Variants in DNAAF1 observed in about 807,000 individuals in gnomAD.
DNAAF1 encodes dynein axonemal assembly factor 1, also known as dynein assembly factor 1, axonemal.
DNAAF1 carries 65 observed loss-of-function variants against 71.1 expected under a neutral mutation model. The observed-to-expected ratio is 0.91, with a 90% CI of 0.75 to 1.12. DNAAF1 has a LOEUF of 1.12. Ranked by LOEUF, DNAAF1 falls within the 50% of genes most tolerant of loss-of-function variation. DNAAF1 has a pLI of 0.00. For missense variants in DNAAF1, 1,178 were observed against 899.8 expected, an observed-to-expected ratio of 1.31 and a Z score of -3.96; for synonymous variants, 414 against 354.6, an observed-to-expected ratio of 1.17 and a Z score of -1.88.
intron 9 of DNAAF1, chr16:84,172,789 C>T (rs1000945606): frequency 9.3e-7 from 1 of 1,076,044 alleles, no homozygotes. Context: ...GTATCTTTTC[C>T]CCCCTCCGTG....
At chr16:84,172,670 C>G in intron 9 of DNAAF1, 1 of 1,253,650 alleles carries the variant, frequency 8.0e-7, no homozygotes. Context: ...ACTCTTGATT[C>G]CTTTTTGCCA....
At chr16:84,155,945 G>C (rs1036316383) in intron 5 of DNAAF1, among the ~76,000 whole-genome samples, 196 bp downstream of exon 5, 1 of 151,850 alleles carries the variant, frequency 6.6e-6, no homozygotes, top group Non-Finnish European at 1.5e-5. Context: ...AAATAGTTCA[G>C]TGTGTGCCTC....
chr16:84,169,259 T>TC (rs1287528416), intron 7 of DNAAF1, among the ~76,000 whole-genome samples: 1 of 150,804 alleles, frequency 6.6e-6, no homozygotes, highest in Non-Finnish European at 1.5e-5. Context: ...TTTTGTATTT[T>TC]TTTTTCACTA....
chr16:84,161,154 G>A (rs974416992), intron 6 of DNAAF1, among the ~76,000 whole-genome samples: 8 of 152,238 alleles, frequency 5.3e-5, no homozygotes, highest in East Asian at 3.9e-4. Context: ...CATCTGCAGC[G>A]TGGGGATGAG....
rs2087387583 is a variant in DNAAF1, at chr16:84,155,576, C to T, written c.575-7C>T. On this transcript the variant is annotated splice_region_variant and splice_polypyrimidine_tract_variant and intron_variant, in intron 4 of 11. Transcript: ENST00000378553. ...TGTTTTTGACTTCTGCTGACCTTACCTTCCAGCCTGCCTCCCAGTCCTGAA... is the reference window on the plus strand; with the variant it reads ...TGTTTTTGACTTCTGCTGACCTTACTTTCCAGCCTGCCTCCCAGTCCTGAA... The T allele has an allele frequency of 1.9e-6, 3 of 1,613,976 alleles. No homozygotes were observed. Among genetic ancestry groups the T allele is most frequent in the East Asian group, 2.2e-5 (1 of 44,868 alleles).
chr16:84,168,957 A>G (rs941959278), intron 7 of DNAAF1, among the ~76,000 whole-genome samples: 1 of 148,166 alleles, frequency 6.7e-6, no homozygotes, highest in Non-Finnish European at 1.5e-5. Context: ...CCTGCATTCT[A>G]TTTTCTTGAT....
At chr16:84,159,877 A>T in intron 6 of DNAAF1, 81 bp downstream of exon 6, 1 of 1,537,724 alleles carries the variant, frequency 6.5e-7, no homozygotes, top group Non-Finnish European at 8.9e-7. Flanking sequence ...TAAATTTCTG[A>T]TTCTTGAGAA....
chr16:84,166,061 T>G, intron 7 of DNAAF1, 112 bp downstream of exon 7: 1 of 1,021,234 alleles, frequency 9.8e-7, no homozygotes. Context: ...TTTTTTTTTT[T>G]TTTAGACAGA....
chr16:84,172,242 CTTG>C lies in DNAAF1; in HGVS notation c.1529-11_1529-9del, dbSNP rs369485504. ...GCCGTGTGTTAAACTAACTCCAAGA[CTTG>C]TTGTTGCTCTTTAGAACCGACTCCC... is the stretch of plus-strand genomic sequence containing the variant. On this transcript the variant is annotated splice_polypyrimidine_tract_variant and intron_variant, in intron 8 of 11. Coordinates refer to ENST00000378553, the MANE Select transcript of DNAAF1 (RefSeq NM_178452.6). 2.7e-4 allele frequency: 440 copies of C among 1,612,236 alleles called. 1 individual carries two copies. The African/African-American group carries it at 5.1e-3, about 19-fold the overall frequency.
intron 5 of DNAAF1, among the ~76,000 whole-genome samples, chr16:84,156,122 C>T (rs1210886070): frequency 6.6e-6 from 1 of 152,092 alleles, no homozygotes; most frequent in Non-Finnish European, 1.5e-5. Flanking sequence ...GCCATCACAC[C>T]CAGCTAATTT....
At chr16:84,152,828 G>C (rs1056429727) in intron 3 of DNAAF1, among the ~76,000 whole-genome samples, 19 of 151,568 alleles carry the variant, frequency 1.3e-4, no homozygotes, top group African/African-American at 4.6e-4. Context: ...GTGATGGCGG[G>C]TACCTGTAAT....
chr16:84,150,161 G>A (rs2087117398), intron 2 of DNAAF1, 90 bp from the exon 3 acceptor site: 8 of 932,724 alleles, frequency 8.6e-6, no homozygotes, highest in South Asian at 5.3e-5. Flanking sequence ...TAGAATTTTG[G>A]GCAGGAATGG....
At position 84,169,750 on chromosome 16, in the gene DNAAF1, T is replaced by G. The variant is rs35849241; in HGVS notation, c.1031-109T>G. 576,273 of 1,502,294 alleles carry G rather than the reference T, an allele frequency of 0.38. 113,197 individuals carry two copies. The highest frequency in any genetic ancestry group is 0.41 in the Non-Finnish European group (439,058 of 1,082,264). 93.1% of individuals were successfully genotyped at this position (1,502,294 alleles called of 1,614,324 possible). On this transcript the variant is annotated intron_variant, in intron 7 of 11. Transcript: ENST00000378553. ...GAGGACACTTTTTTAACTGTGTTCC[T>G]GACCTTTTCCCTGGTCTCAGAAGTT...
intron 3 of DNAAF1, 41 bp from the exon 4 acceptor site, chr16:84,154,536 G>A: frequency 6.3e-7 from 1 of 1,585,346 alleles, no homozygotes. Flanking sequence ...CCTCTGCCCT[G>A]GGAGTAGGAG....
At position 84,174,653 on chromosome 16, in the gene DNAAF1, T is replaced by A; in HGVS notation, c.1645-16T>A. 2 of 1,614,164 alleles carry A rather than the reference T, an allele frequency of 1.2e-6. No individual in the cohort carries two copies. The highest frequency in any genetic ancestry group is 2.2e-5 in the South Asian group (2 of 91,086). On this transcript the variant is annotated splice_polypyrimidine_tract_variant and intron_variant, in intron 9 of 11. Coordinates refer to ENST00000378553, the MANE Select transcript of DNAAF1 (RefSeq NM_178452.6). ...GTGTACCTCCCTGGTGATGTGCGGC[T>A]CACTTGCTCTTTCAGGACCTACCTG... is the stretch of plus-strand genomic sequence containing the variant.
Position 84,155,571 on chromosome 16 carries a change from C to G in DNAAF1, c.575-12C>G. 1.2e-6 allele frequency: 2 copies of G among 1,613,968 alleles called. No homozygotes were observed. The highest frequency in any genetic ancestry group is 1.7e-6 in the Non-Finnish European group (2 of 1,179,954). ...GCCTTTGTTTTTGACTTCTGCTGAC[C>G]TTACCTTCCAGCCTGCCTCCCAGTC... On this transcript the variant is annotated splice_polypyrimidine_tract_variant and intron_variant, in intron 4 of 11. Transcript: ENST00000378553.
intron 1 of DNAAF1, among the ~76,000 whole-genome samples, chr16:84,148,390 C>G (rs1440353752): frequency 2.0e-5 from 3 of 151,806 alleles, no homozygotes; most frequent in Non-Finnish European, 4.4e-5. Flanking sequence ...TTTATGTAAC[C>G]AGCCCCTATG....
rs570574752 is a variant in DNAAF1, at chr16:84,172,116, A to T, written c.1529-144A>T. ...CTGGACTCAAACTTCTGACCTTGTGATCCGCCCACCTTGGCCCCCCAAAGT... is the reference window on the plus strand; with the variant it reads ...CTGGACTCAAACTTCTGACCTTGTGTTCCGCCCACCTTGGCCCCCCAAAGT... On this transcript the variant is annotated intron_variant, in intron 8 of 11. Transcript: ENST00000378553. 20 of 765,628 alleles carry T rather than the reference A, an allele frequency of 2.6e-5. No homozygotes were observed. The African/African-American group carries it at 3.1e-4, about 12-fold the overall frequency. 47.4% of individuals were successfully genotyped at this position (765,628 alleles called of 1,614,324 possible).
At chr16:84,154,923 T>A in intron 4 of DNAAF1, 125 bp downstream of exon 4, 1 of 889,378 alleles carries the variant, frequency 1.1e-6, no homozygotes, top group South Asian at 1.5e-5. Context: ...TTTTGTTTTT[T>A]TTTGAGACAG....
Sources: gnomAD v4.1 joint callset for allele counts (sites outside exome capture counted in the v4.1 genomes callset) on GRCh38, gnomAD v4.1.1 for gene constraint, MANE v1.5 for transcripts, NCBI Gene and HGNC (gene_info 2026-07-23, HGNC 2026-07-21) for gene names.